ABHD2: variants seen among roughly 807,000 people sequenced by gnomAD.
ABHD2 encodes monoacylglycerol lipase ABHD2.
Under a neutral mutation model 48.1 loss-of-function variants are expected in ABHD2, and 20 were observed. That is an observed-to-expected ratio of 0.42 (90% CI 0.29 to 0.60). The LOEUF (loss-of-function observed/expected upper bound fraction) is 0.60, where lower values mean the gene tolerates loss of function less well. ABHD2 is among the 20% of genes least tolerant of loss of function. The pLI, the probability that ABHD2 is intolerant of heterozygous loss-of-function variation, is 0.24. For synonymous variants in ABHD2, 209 were observed against 214.2 expected (o/e 0.98, Z 0.21); for missense variants, 405 against 550.9 (o/e 0.74, Z 2.65).
chr15:89,162,245 C>A (rs186975090), intron 5 of ABHD2, among the ~76,000 whole-genome samples: 1 of 152,182 alleles, frequency 6.6e-6, no homozygotes, highest in Admixed American at 6.5e-5. Context: ...AAACAGTACT[C>A]CTCAAGAGCA....
intron 1 of ABHD2, among the ~76,000 whole-genome samples, chr15:89,099,191 C>T (rs936592913): frequency 6.6e-6 from 1 of 152,230 alleles, no homozygotes; most frequent in Admixed American, 6.5e-5. Flanking sequence ...CATTCTGTGA[C>T]ATGTTTGAGG....
At chr15:89,113,518 G>A (rs910295438) in intron 1 of ABHD2, among the ~76,000 whole-genome samples, 3 of 152,212 alleles carry the variant, frequency 2.0e-5, no homozygotes, top group African/African-American at 4.8e-5. Flanking sequence ...AAACCAGAGA[G>A]AGCCTGTCAG....
Position 89,184,175 on chromosome 15 carries a change from C to T in ABHD2, c.723-1249C>T, listed in dbSNP as rs948208154. ...AATTCACAAACCATTTCATTCTTAACTCCCCACTACCTCTTATTTTTTAAC... is the reference window on the plus strand; with the variant it reads ...AATTCACAAACCATTTCATTCTTAATTCCCCACTACCTCTTATTTTTTAAC... On this transcript the variant is annotated intron_variant, in intron 6 of 10. Coordinates refer to ENST00000352732, the MANE Select transcript of ABHD2 (RefSeq NM_152924.5). The surrounding 1 kb of genome is among the most constrained non-coding windows in gnomAD (Gnocchi z 5.1). Among the ~76,000 whole-genome samples the T allele has an allele frequency of 3.3e-5, 5 of 152,182 alleles. No homozygotes were observed. The highest frequency in any genetic ancestry group is 9.7e-5 in the African/African-American group (4 of 41,432).
At chr15:89,080,048 G>C in the ABHD2 span, among the ~76,000 whole-genome samples, 1 of 152,186 alleles carries the variant, frequency 6.6e-6, no homozygotes, top group South Asian at 2.1e-4. Context: ...GAGAATACTG[G>C]AGCCTGTGTT....
In ABHD2 at chr15:89,120,042, C is replaced by T. The variant is rs534949606; in HGVS notation, c.194+3521C>T. 2.0e-5 allele frequency among the ~76,000 whole-genome samples: 3 copies of T among 152,144 alleles called. No individual in the cohort carries two copies. Among genetic ancestry groups the T allele is most frequent in the Admixed American group, 1.3e-4 (2 of 15,288 alleles). On this transcript the variant is annotated intron_variant, in intron 3 of 10. Transcript: ENST00000352732. This position sits in a 1 kb window ranked among gnomAD's most constrained non-coding sequence, Gnocchi z 4.2. ...GGGTAGCTGGTTATGATGACATGCG[C>T]GGAATCAGGACGTGTCTTCTTACTG...
rs140557080 is a variant in ABHD2 at position 89,119,999 on chromosome 15, G to A, written c.194+3478G>A. On this transcript the variant is annotated intron_variant, in intron 3 of 10. Coordinates refer to ENST00000352732, the MANE Select transcript of ABHD2 (RefSeq NM_152924.5). The stretch of plus-strand genomic sequence containing the variant: ...GATTTACAACAAGCTGTGAATATTA[G>A]TCAGTAATCCTGACCGCGGGTAGCT... Among the ~76,000 whole-genome samples the A allele has an allele frequency of 2.0e-3, 301 of 152,276 alleles. 2 individuals are homozygous for A. Among genetic ancestry groups the A allele is most frequent in the East Asian group, 0.015 (77 of 5,186 alleles).
intron 3 of ABHD2, among the ~76,000 whole-genome samples, chr15:89,149,826 G>T (rs1456348830): frequency 6.6e-6 from 1 of 152,198 alleles, no homozygotes; most frequent in Non-Finnish European, 1.5e-5. Context: ...GGGTGTAGCC[G>T]GCCTCCTAGG....
chr15:89,180,389 G>A (rs1483593315), intron 6 of ABHD2, among the ~76,000 whole-genome samples: 4 of 152,142 alleles, frequency 2.6e-5, no homozygotes, highest in East Asian at 1.9e-4. Context: ...TTGGTAGGTG[G>A]CCATCCCTAC....
chr15:89,146,355 C>CGTGTGTGTGTGTGT lies in ABHD2; in HGVS notation c.195-5291_195-5278dup, dbSNP rs4032279. On this transcript the variant is annotated intron_variant, in intron 3 of 10. Coordinates refer to ENST00000352732, the MANE Select transcript of ABHD2 (RefSeq NM_152924.5). The surrounding 1 kb of genome is among the most constrained non-coding windows in gnomAD (Gnocchi z 4.2). ...TGAGCTTCATCTGCTCAAAGACGTA[C>CGTGTGTGTGTGTGT]GTGTGTGTGTGTGTGTGTGTGTGTG... Among the ~76,000 whole-genome samples, 189 of 121,630 alleles carry CGTGTGTGTGTGTGT rather than the reference C, an allele frequency of 1.6e-3. 1 individual carries two copies. Among genetic ancestry groups the CGTGTGTGTGTGTGT allele is most frequent in the South Asian group, 9.8e-3 (31 of 3,170 alleles). 79.8% of individuals were successfully genotyped at this position (121,630 alleles called of 152,430 possible). A position where few individuals can be genotyped will look rare whatever the true frequency, so the allele number is the denominator to read the frequency against.
chr15:89,075,309 A>AATGG, the ABHD2 span: 2 of 152,230 alleles, frequency 1.3e-5, no homozygotes, highest in African/African-American at 4.8e-5. This position sits in a 1 kb window ranked among gnomAD's most constrained non-coding sequence, Gnocchi z 4.1. Context: ...TGGATGATTG[A>AATGG]ATGGATGAAT....
Position 89,188,133 on chromosome 15 carries a change from TA to T in ABHD2, c.816-59del, listed in dbSNP as rs2051242451. On this transcript the variant is annotated intron_variant, in intron 7 of 10. Coordinates refer to ENST00000352732, the MANE Select transcript of ABHD2 (RefSeq NM_152924.5). This position sits in a 1 kb window ranked among gnomAD's most constrained non-coding sequence, Gnocchi z 4.1. ...GGCTTGCTGTGGCAAGGAAGCAGGCTATGCCATGGTTGTTCATCCTCCACAT... is the reference window on the plus strand; with the variant it reads ...GGCTTGCTGTGGCAAGGAAGCAGGCTTGCCATGGTTGTTCATCCTCCACAT... The T allele has an allele frequency of 6.8e-7, 1 of 1,461,812 alleles. No individual in the cohort carries two copies. The highest frequency in any genetic ancestry group is 1.7e-5 in the Admixed American group (1 of 59,220). The allele number at this position is 1,461,812 out of a possible 1,614,324, so 90.6% of individuals were successfully genotyped here.
At chr15:89,093,255 G>T (rs113681457) in intron 1 of ABHD2, among the ~76,000 whole-genome samples, 291 of 139,646 alleles carry the variant, frequency 2.1e-3, no homozygotes, top group African/African-American at 7.4e-3. Flanking sequence ...ATCTTGGCTC[G>T]CTGCAACCTC....
At chr15:89,061,708 G>T in the ABHD2 span, among the ~76,000 whole-genome samples, 1 of 151,936 alleles carries the variant, frequency 6.6e-6, no homozygotes, top group African/African-American at 2.4e-5. Flanking sequence ...CAGTAGCTGG[G>T]ACTACAGGTG....
At chr15:89,135,663 C>A in intron 3 of ABHD2, 1 of 1,552,032 alleles carries the variant, frequency 6.4e-7, no homozygotes. Flanking sequence ...TTTTTTGCTG[C>A]AGCAGGCTTT....
the ABHD2 span, among the ~76,000 whole-genome samples, chr15:89,054,555 C>T: frequency 6.6e-6 from 1 of 151,970 alleles, no homozygotes; most frequent in Non-Finnish European, 1.5e-5. Flanking sequence ...GTGGTGCACG[C>T]CTGTAGTCCC....
chr15:89,119,321 G>A (rs1037615143), intron 3 of ABHD2, among the ~76,000 whole-genome samples: 2 of 152,084 alleles, frequency 1.3e-5, no homozygotes, highest in African/African-American at 4.8e-5. Flanking sequence ...TGACTAAAGG[G>A]CAAAAGGATT....
chr15:89,158,014 A>G (rs1473751970), intron 5 of ABHD2, among the ~76,000 whole-genome samples: 2 of 152,004 alleles, frequency 1.3e-5, no homozygotes, highest in African/African-American at 4.8e-5. Context: ...GTGCTTGGAT[A>G]TATAGATTGT....
At chr15:89,193,434 T>C in intron 10 of ABHD2, 115 bp downstream of exon 10, 1 of 808,728 alleles carries the variant, frequency 1.2e-6, no homozygotes, top group Non-Finnish European at 2.1e-6. Flanking sequence ...GAAAGACATC[T>C]CATAGCAGTC....
intron 1 of ABHD2, among the ~76,000 whole-genome samples, chr15:89,109,293 G>C (rs1288998304): frequency 1.3e-5 from 2 of 152,208 alleles, no homozygotes; most frequent in Non-Finnish European, 2.9e-5. Flanking sequence ...TGGGCATTTG[G>C]TAGCACCTTG....
Sources: gnomAD v4.1 joint callset for allele counts (sites outside exome capture counted in the v4.1 genomes callset) on GRCh38, gnomAD v4.1.1 for gene constraint, Gnocchi (gnomAD v3.1) non-coding constraint, MANE v1.5 for transcripts, NCBI Gene and HGNC (gene_info 2026-07-23, HGNC 2026-07-21) for gene names.